Variants in MTCL1 observed in about 807,000 individuals in gnomAD.
MTCL1 encodes microtubule cross-linking factor 1.
A neutral mutation model predicts 141.4 loss-of-function variants in MTCL1; 79 were observed. The observed-to-expected ratio is 0.56, with a 90% CI of 0.47 to 0.67. The LOEUF (loss-of-function observed/expected upper bound fraction) is 0.67. MTCL1 is among the 30% of genes least tolerant of loss of function. The pLI, the probability that MTCL1 is intolerant of heterozygous loss-of-function variation, is 0.00. For synonymous variants in MTCL1, 914 were observed against 875.8 expected (o/e 1.04, Z -0.77); for missense variants, 2,177 against 2,113.9 (o/e 1.03, Z -0.59).
rs776419569 is a variant in MTCL1, at chr18:8,825,442, C to T, written c.3932C>T (p.Thr1311Ile). ...CAAGTCAAGGACATGGCCTGCCAGA[C>T]CAATGGGTCCCGGACGATGGGGACC... The change falls in exon 15 of 17, where the codon ACC becomes ATC. Residue 1311 changes from threonine (T) to isoleucine (I), a missense_variant. Thr to Ile is a moderately conservative substitution (Grantham distance 89). Coordinates refer to ENST00000359865, the Ensembl canonical transcript of MTCL1. The T allele has an allele frequency of 1.9e-6, 3 of 1,568,824 alleles. No homozygotes were observed. In the South Asian group the frequency reaches 3.5e-5, roughly 18 times the overall value.
At chr18:8,829,361 C>T in intron 16 of MTCL1, 1 of 985,350 alleles carries the variant, frequency 1.0e-6, no homozygotes, top group Non-Finnish European at 1.2e-6. Flanking sequence ...GTTATACGTG[C>T]ACTGGCATGT....
At chr18:8,826,196 C>T (rs1461606964) in exon 15 of MTCL1, 4 of 1,609,666 alleles carry the variant, frequency 2.5e-6, no homozygotes, top group African/African-American at 2.7e-5. Flanking sequence ...GTGACAGCCA[C>T]TCGCTGGGGG....
At chr18:8,812,369 G>T (rs2076517382) in intron 11 of MTCL1, among the ~76,000 whole-genome samples, 1 of 152,000 alleles carries the variant, frequency 6.6e-6, no homozygotes, top group Non-Finnish European at 1.5e-5. Context: ...ACAGAATTGT[G>T]TCTAGGTTGA....
chr18:8,818,364 C>T (rs1457524044), intron 12 of MTCL1, among the ~76,000 whole-genome samples: 1 of 151,820 alleles, frequency 6.6e-6, no homozygotes, highest in Non-Finnish European at 1.5e-5. Context: ...TTTCTTCACT[C>T]AGTCATACCA....
At chr18:8,715,017 T>C (rs60683394), upstream of MTCL1, among the ~76,000 whole-genome samples, 2,308 of 152,202 alleles carry the variant, frequency 0.015, 54 homozygotes, top group African/African-American at 0.045. Context: ...AGGATGGTCT[T>C]GATCTCCTGA....
At position 8,707,396 on chromosome 18, in the gene MTCL1, C is replaced by CT. The variant is rs1424575583; in HGVS notation, c.1053+686dup. The CT allele has an allele frequency of 2.6e-5, 4 of 152,598 alleles. No individual in the cohort carries two copies. The East Asian group carries it at 7.7e-4, about 29-fold the overall frequency. 9.5% of individuals were successfully genotyped at this position (152,598 alleles called of 1,614,324 possible). On this transcript the variant is annotated intron_variant, in intron 1 of 13. Coordinates refer to the MTCL1 transcript ENST00000306329. The stretch of plus-strand genomic sequence containing the variant: ...TGTGTCAGGAGAGGCCACGCCAGCA[C>CT]TTTCTAAGGAATCGCGGCGCCTGCT...
At chr18:8,778,454 G>A (rs1046769090) in intron 5 of MTCL1, among the ~76,000 whole-genome samples, 4 of 152,214 alleles carry the variant, frequency 2.6e-5, no homozygotes, top group Non-Finnish European at 5.9e-5. Context: ...ATTAGGTGGT[G>A]GAGAGAACAA....
Position 8,745,437 on chromosome 18 carries a change from T to C in MTCL1, c.357+24941T>C, listed in dbSNP as rs572559829. Among the ~76,000 whole-genome samples, 4 of 152,348 alleles carry C rather than the reference T, an allele frequency of 2.6e-5. No homozygotes were observed. In the East Asian group the frequency reaches 7.7e-4, roughly 29 times the overall value. ...ATACTTCTGTCACTTGGCGGTATGC[T>C]TGTGACATTCTTACATGCTGATGCC... On this transcript the variant is annotated intron_variant, in intron 4 of 16. Coordinates refer to ENST00000359865, the Ensembl canonical transcript of MTCL1.
chr18:8,785,151 T>C (rs775290), intron 6 of MTCL1, among the ~76,000 whole-genome samples: 6,041 of 152,080 alleles, frequency 0.04, 394 homozygotes, highest in African/African-American at 0.14. Flanking sequence ...GTGGAAGCGA[T>C]AGGGCTCGAC....
chr18:8,797,989 G>A (rs770534242), intron 9 of MTCL1, 108 bp from the exon 9 acceptor site: 4 of 1,098,404 alleles, frequency 3.6e-6, no homozygotes, highest in Non-Finnish European at 5.1e-6. Context: ...GAGAAGTATA[G>A]GCGTTGATAA....
At chr18:8,783,182 C>T (rs996267831) in intron 5 of MTCL1, among the ~76,000 whole-genome samples, 7 of 152,086 alleles carry the variant, frequency 4.6e-5, no homozygotes, top group East Asian at 3.9e-4. Context: ...GGAGGGGTTG[C>T]GCATTCCCGC....
intron 3 of MTCL1, among the ~76,000 whole-genome samples, chr18:8,719,320 C>T (rs2096152159): frequency 2.0e-5 from 3 of 152,184 alleles, no homozygotes; most frequent in Admixed American, 2.0e-4. Context: ...TCTCATCTAG[C>T]CTTTCAGTGT....
chr18:8,771,492 T>C (rs1325328294), intron 4 of MTCL1, among the ~76,000 whole-genome samples: 5 of 152,234 alleles, frequency 3.3e-5, no homozygotes, highest in African/African-American at 7.2e-5. Flanking sequence ...TACTGACTTA[T>C]AATTTACAGC....
chr18:8,729,263 T>G (rs1004570211), intron 4 of MTCL1, among the ~76,000 whole-genome samples: 3 of 144,218 alleles, frequency 2.1e-5, no homozygotes, highest in Non-Finnish European at 4.5e-5. Context: ...GCCATTTTGC[T>G]CAGTCTGGTC....
intron 10 of MTCL1, among the ~76,000 whole-genome samples, chr18:8,805,610 AG>A (rs1437970772): frequency 6.6e-6 from 1 of 152,022 alleles, no homozygotes; most frequent in African/African-American, 2.4e-5. Context: ...AACCTGAAGG[AG>A]GGGTCCCAGT....
At chr18:8,708,657 G>A (rs1174201299) in intron 1 of MTCL1, among the ~76,000 whole-genome samples, 3 of 152,204 alleles carry the variant, frequency 2.0e-5, no homozygotes, top group African/African-American at 4.8e-5. Flanking sequence ...AGTTGTTTTC[G>A]TAGCTCAAAA....
chr18:8,732,546 A>G (rs1390533559), intron 4 of MTCL1, among the ~76,000 whole-genome samples: 1 of 152,220 alleles, frequency 6.6e-6, no homozygotes, highest in Non-Finnish European at 1.5e-5. Context: ...GAGCCATCGT[A>G]CGTTGAAATG....
intron 4 of MTCL1, among the ~76,000 whole-genome samples, chr18:8,744,730 TC>T (rs1482568576): frequency 6.6e-6 from 1 of 152,204 alleles, no homozygotes; most frequent in Non-Finnish European, 1.5e-5. Context: ...TCAAGTAGCA[TC>T]TGTTAGGTTT....
At chr18:8,827,661 T>C (rs1462399523) in intron 15 of MTCL1, among the ~76,000 whole-genome samples, 5 of 152,180 alleles carry the variant, frequency 3.3e-5, no homozygotes, top group Non-Finnish European at 7.3e-5. Context: ...TGCCCTGCCT[T>C]CTTAGGGCTC....
Sources: allele counts gnomAD v4.1 joint callset (sites outside exome capture counted in the v4.1 genomes callset), GRCh38; gene constraint gnomAD v4.1.1; transcripts MANE v1.5; gene names NCBI Gene and HGNC (gene_info 2026-07-23, HGNC 2026-07-21).